EFHC2: variants seen among roughly 807,000 people sequenced by gnomAD.
EFHC2 encodes the protein EF-hand domain containing 2, also known as EF-hand domain-containing family member C2.
In EFHC2, 18 loss-of-function variants were observed where a neutral mutation model predicts 52.7. The observed-to-expected ratio is 0.34, with a 90% CI of 0.24 to 0.51. EFHC2 has a LOEUF of 0.51. Ranked by LOEUF, EFHC2 falls within the 20% of genes least tolerant of loss-of-function variation. EFHC2 has a pLI of 0.97. For synonymous variants in EFHC2, 203 were observed against 204.1 expected (o/e 0.99, Z 0.04); for missense variants, 513 against 562.5 (o/e 0.91, Z 0.89).
chrX:44,237,583 A>C (rs2037329901), intron 8 of EFHC2, among the ~76,000 whole-genome samples: 1 of 111,771 alleles, frequency 8.9e-6, no homozygotes, highest in Non-Finnish European at 1.9e-5. Flanking sequence ...TTTTCTCTTG[A>C]ATCCATTTCC....
intron 2 of EFHC2, among the ~76,000 whole-genome samples, chrX:44,288,167 G>A (rs1351375558): frequency 1.8e-5 from 2 of 110,585 alleles, no homozygotes; most frequent in East Asian, 5.6e-4. Context: ...TACAAAATTT[G>A]ACTTAGGAAA....
At chrX:44,286,375 G>T (rs1332093672) in intron 2 of EFHC2, 1 of 112,661 alleles carries the variant, frequency 8.9e-6, no homozygotes, top group Non-Finnish European at 1.9e-5. Context: ...TTGGAACGGA[G>T]TAAACTAGGA....
chrX:44,207,128 T>C (rs1465154432), intron 11 of EFHC2, among the ~76,000 whole-genome samples: 3 of 112,108 alleles, frequency 2.7e-5, no homozygotes, highest in Non-Finnish European at 5.6e-5. Context: ...AAGGACACCC[T>C]CTTCAATAAA....
At chrX:44,251,238 CAAAAAAA>C (rs746850685) in intron 4 of EFHC2, among the ~76,000 whole-genome samples, 1 of 18,313 alleles carries the variant, frequency 5.5e-5, no homozygotes, top group Non-Finnish European at 7.5e-5. Context: ...GACTCCATCT[CAAAAAAA>C]AAAAAAAAAA....
chrX:44,308,679 C>A (rs182427461), intron 2 of EFHC2, among the ~76,000 whole-genome samples: 58 of 112,071 alleles, frequency 5.2e-4, no homozygotes, highest in African/African-American at 1.8e-3. Context: ...TTCTATCTGG[C>A]ACCAACAGAC....
chrX:44,287,319 A>G (rs1212527896), intron 2 of EFHC2, among the ~76,000 whole-genome samples: 1 of 111,998 alleles, frequency 8.9e-6, no homozygotes, highest in Non-Finnish European at 1.9e-5. Context: ...TAGATGAGAA[A>G]ACTACTTTTC....
intron 13 of EFHC2, among the ~76,000 whole-genome samples, chrX:44,167,826 T>C (rs1390332586): frequency 1.8e-5 from 2 of 112,032 alleles, no homozygotes. Flanking sequence ...CTAGCTCATG[T>C]TTCTTGGAAG....
rs142748993 is a variant in EFHC2, at chrX:44,260,654, A to G, written c.606+421T>C. Among the ~76,000 whole-genome samples, 87 of 111,756 alleles carry G rather than the reference A, an allele frequency of 7.8e-4. No homozygotes were observed. In the East Asian group the frequency reaches 0.015, roughly 19 times the overall value. Reference sequence around the variant, plus strand: ...TTCCTAGGAGGAAGAAAAAATGTGTACCCAAGGCTTGCTTCACTAAATCAC... The same window carrying G: ...TTCCTAGGAGGAAGAAAAAATGTGTGCCCAAGGCTTGCTTCACTAAATCAC... On this transcript the variant is annotated intron_variant, in intron 4 of 14. Coordinates refer to ENST00000420999, the MANE Select transcript of EFHC2 (RefSeq NM_025184.4).
chrX:44,181,747 G>A (rs1428802152), intron 11 of EFHC2, among the ~76,000 whole-genome samples: 1 of 112,665 alleles, frequency 8.9e-6, no homozygotes, highest in Admixed American at 9.4e-5. Flanking sequence ...GTGCCCACAT[G>A]AGGCAGGTTC....
chrX:44,165,448 A>G (rs902943653), intron 13 of EFHC2, among the ~76,000 whole-genome samples: 1 of 111,510 alleles, frequency 9.0e-6, no homozygotes, highest in African/African-American at 3.3e-5. Context: ...AGTCATTTCA[A>G]CTCCTTTAAA....
At chrX:44,261,389 C>T in intron 3 of EFHC2, 91 bp from the exon 4 acceptor site, 2 of 802,986 alleles carry the variant, frequency 2.5e-6, no homozygotes, top group African/African-American at 2.1e-5. Context: ...AATACTTTCC[C>T]GCAACAGAAA....
At chrX:44,289,928 G>C in intron 2 of EFHC2, among the ~76,000 whole-genome samples, 1 of 111,271 alleles carries the variant, frequency 9.0e-6, no homozygotes, top group Non-Finnish European at 1.9e-5. Flanking sequence ...TGATCCGCCC[G>C]CCTCGGCCTC....
intron 1 of EFHC2, among the ~76,000 whole-genome samples, chrX:44,334,316 C>G (rs1013713371): frequency 2.7e-5 from 3 of 112,033 alleles, no homozygotes; most frequent in African/African-American, 9.7e-5. Context: ...GCGGCCCAAT[C>G]TGAAATAATG....
At chrX:44,337,628 C>A in intron 1 of EFHC2, among the ~76,000 whole-genome samples, 1 of 112,118 alleles carries the variant, frequency 8.9e-6, no homozygotes, top group Non-Finnish European at 1.9e-5. Flanking sequence ...TATTCTCATT[C>A]CAGTTGAAAA....
intron 11 of EFHC2, among the ~76,000 whole-genome samples, chrX:44,205,072 T>C (rs187689418): frequency 2.8e-4 from 31 of 111,236 alleles, no homozygotes; most frequent in African/African-American, 9.1e-4. Context: ...TTAAAGAAAA[T>C]AAATCCAAGC....
chrX:44,177,104 C>T (rs895361773), intron 12 of EFHC2, among the ~76,000 whole-genome samples: 3 of 111,632 alleles, frequency 2.7e-5, no homozygotes, highest in Non-Finnish European at 5.6e-5. Context: ...GGTCAAGCAG[C>T]CCCATTGTTC....
At chrX:44,264,312 A>C (rs191041776) in intron 3 of EFHC2, among the ~76,000 whole-genome samples, 2 of 111,959 alleles carry the variant, frequency 1.8e-5, no homozygotes, top group South Asian at 7.5e-4. Context: ...TGAAAAGAAA[A>C]GAGAGATGAA....
chrX:44,247,317 C>T (rs955609030), intron 7 of EFHC2, among the ~76,000 whole-genome samples: 6 of 112,101 alleles, frequency 5.4e-5, no homozygotes, highest in East Asian at 5.6e-4. Flanking sequence ...CTACACAATG[C>T]GGACAACAAG....
chrX:44,272,419 G>C (rs887781138), intron 3 of EFHC2, among the ~76,000 whole-genome samples: 1 of 112,087 alleles, frequency 8.9e-6, no homozygotes, highest in East Asian at 2.8e-4. Context: ...AGGCACAGGA[G>C]AGTTTACTCA....
Sources: allele counts gnomAD v4.1 joint callset (sites outside exome capture counted in the v4.1 genomes callset), GRCh38; gene constraint gnomAD v4.1.1; transcripts MANE v1.5; gene names NCBI Gene and HGNC (gene_info 2026-07-23, HGNC 2026-07-21).